IKZF1: variants seen among roughly 807,000 people sequenced by gnomAD.
IKZF1 encodes the protein DNA-binding protein Ikaros.
Under a neutral mutation model 51.7 loss-of-function variants are expected in IKZF1, and 10 were observed. The ratio of observed to expected loss-of-function variants is 0.19; its 90% confidence interval spans 0.12 to 0.33. The LOEUF is 0.33. Ranked by LOEUF, IKZF1 falls within the 10% of genes least tolerant of loss-of-function variation. The probability of loss-of-function intolerance (pLI) is 1.00; values close to 1 mark genes in which losing one functional copy is unlikely to be tolerated. For missense variants in IKZF1, 484 were observed against 707.5 expected (o/e 0.68, Z 3.58); for synonymous variants, 280 against 282.3 (o/e 0.99, Z 0.08).
intron 5 of IKZF1, among the ~76,000 whole-genome samples, chr7:50,384,349 G>A (rs966730522): frequency 6.6e-6 from 1 of 152,220 alleles, no homozygotes; most frequent in Non-Finnish European, 1.5e-5. Flanking sequence ...CTCCTTCCTG[G>A]CGGTGCACAT....
chr7:50,328,405 G>A (rs1400892581), intron 3 of IKZF1: 2 of 152,250 alleles, frequency 1.3e-5, no homozygotes, highest in African/African-American at 4.8e-5. Context: ...GAGAAGTTCA[G>A]TGAATTAACC....
At chr7:50,334,403 ATATG>A (rs1797097444) in intron 3 of IKZF1, among the ~76,000 whole-genome samples, 1 of 151,676 alleles carries the variant, frequency 6.6e-6, no homozygotes, top group African/African-American at 2.4e-5. Context: ...TGATGTATGT[ATATG>A]TATGTGTGTG....
intron 3 of IKZF1, among the ~76,000 whole-genome samples, chr7:50,329,653 T>C (rs1317497657): frequency 6.6e-6 from 1 of 152,220 alleles, no homozygotes; most frequent in Non-Finnish European, 1.5e-5. Flanking sequence ...TTTTAGTCCC[T>C]GAAGCACCCA....
chr7:50,393,470 AC>A (rs1186731804), intron 7 of IKZF1, among the ~76,000 whole-genome samples: 1 of 152,196 alleles, frequency 6.6e-6, no homozygotes, highest in Admixed American at 6.5e-5. Flanking sequence ...AGTCCTGGGC[AC>A]CAGCCTCCCT....
chr7:50,329,500 C>T (rs1795943522), intron 3 of IKZF1, among the ~76,000 whole-genome samples: 1 of 152,110 alleles, frequency 6.6e-6, no homozygotes, highest in African/African-American at 2.4e-5. Context: ...TGTACCACTA[C>T]GAGGGTTCCT....
rs1814681195 is a variant in IKZF1, at chr7:50,390,276, T to TAA, written c.716-1453_716-1452insAA. Among the ~76,000 whole-genome samples, 19 of 152,246 alleles carry TAA rather than the reference T, an allele frequency of 1.2e-4. No individual in the cohort carries two copies. The South Asian group carries it at 3.7e-3, about 30-fold the overall frequency. ...ACCTCTGGGAGCCCTGGGCAGGCTG[T>TAA]GGGTGTGGCTTGGCAGAGAAGGATG... On this transcript the variant is annotated intron_variant, in intron 6 of 7. Coordinates refer to ENST00000331340, the MANE Select transcript of IKZF1 (RefSeq NM_006060.6).
At chr7:50,312,553 T>C (rs553547913) in intron 1 of IKZF1, among the ~76,000 whole-genome samples, 6 of 152,376 alleles carry the variant, frequency 3.9e-5, no homozygotes, top group East Asian at 3.9e-4. Context: ...CCATCTTTTC[T>C]TATACCTCAC....
intron 6 of IKZF1, 65 bp downstream of exon 6, chr7:50,387,535 C>T (rs529797830): frequency 4.1e-4 from 626 of 1,528,864 alleles, no homozygotes; most frequent in Non-Finnish European, 5.2e-4. Context: ...GGAAGGAGGG[C>T]GCTCTGCATG....
intron 3 of IKZF1, among the ~76,000 whole-genome samples, chr7:50,346,724 C>A (rs548551562): frequency 6.6e-6 from 1 of 152,212 alleles, no homozygotes; most frequent in East Asian, 1.9e-4. Context: ...TACCTTCCCC[C>A]TCAGGGCATA....
At chr7:50,361,983 T>A (rs1052734809) in intron 3 of IKZF1, among the ~76,000 whole-genome samples, 1 of 152,184 alleles carries the variant, frequency 6.6e-6, no homozygotes, top group Non-Finnish European at 1.5e-5. Context: ...AAGCCATAGG[T>A]GTATTAATTG....
At chr7:50,339,548 A>G (rs1798589543) in intron 3 of IKZF1, among the ~76,000 whole-genome samples, 2 of 152,068 alleles carry the variant, frequency 1.3e-5, no homozygotes, top group Non-Finnish European at 2.9e-5. Flanking sequence ...CAGGAGTTTG[A>G]GACCAGCCTG....
At chr7:50,385,740 GA>G (rs1271803194) in intron 5 of IKZF1, among the ~76,000 whole-genome samples, 2 of 152,214 alleles carry the variant, frequency 1.3e-5, no homozygotes, top group African/African-American at 2.4e-5. Context: ...GCTTTTTCAG[GA>G]AAGGGTATCG....
intron 1 of IKZF1, among the ~76,000 whole-genome samples, chr7:50,315,814 C>T (rs1470220691): frequency 6.6e-6 from 1 of 152,174 alleles, no homozygotes; most frequent in Non-Finnish European, 1.5e-5. Context: ...TAAATTGAGG[C>T]CATATCAAGC....
intron 3 of IKZF1, chr7:50,368,709 A>G (rs1807749116): frequency 7.5e-6 from 2 of 267,076 alleles, no homozygotes; most frequent in African/African-American, 2.2e-5. Context: ...TTTGGGTAAC[A>G]TCCTCAAATG....
chr7:50,376,942 C>CG lies in IKZF1; in HGVS notation c.421+150dup. ...GCAAGCGATTGGTTCCAAGTGGTAC[C>CG]GAGTCATAGAGTCCTTGTTCTGGTA... On this transcript the variant is annotated intron_variant, in intron 4 of 7. Coordinates refer to ENST00000331340, the MANE Select transcript of IKZF1 (RefSeq NM_006060.6). This position sits in a 1 kb window ranked among gnomAD's most constrained non-coding sequence, Gnocchi z 4.5. 7.4e-7 allele frequency: 1 copy of CG among 1,346,664 alleles called. No homozygotes were observed. Among genetic ancestry groups the CG allele is most frequent in the African/African-American group, 1.5e-5 (1 of 68,082 alleles). The allele number at this position is 1,346,664 out of a possible 1,614,324, so 83.4% of individuals were successfully genotyped here. A position where few individuals can be genotyped will look rare whatever the true frequency, so the allele number is the denominator to read the frequency against.
intron 2 of IKZF1, among the ~76,000 whole-genome samples, chr7:50,326,183 G>A (rs1302363678): frequency 6.6e-6 from 1 of 152,226 alleles, no homozygotes; most frequent in Non-Finnish European, 1.5e-5. Flanking sequence ...TATTACTCTT[G>A]TGGAAGGTTT....
chr7:50,355,206 G>A (rs948319787), intron 3 of IKZF1, among the ~76,000 whole-genome samples: 1 of 152,170 alleles, frequency 6.6e-6, no homozygotes, highest in African/African-American at 2.4e-5. Context: ...AAATTCACAT[G>A]GGGAAGGGCA....
At chr7:50,361,616 G>A (rs1027113097) in intron 3 of IKZF1, among the ~76,000 whole-genome samples, 8 of 152,182 alleles carry the variant, frequency 5.3e-5, no homozygotes, top group African/African-American at 1.4e-4. Context: ...AGTGGCTCAC[G>A]CCTGTAATCC....
chr7:50,380,385 A>G (rs1811517289), intron 4 of IKZF1, among the ~76,000 whole-genome samples: 1 of 152,218 alleles, frequency 6.6e-6, no homozygotes, highest in South Asian at 2.1e-4. Context: ...ATGTGTCTGT[A>G]GCAATCTGCC....
Sources: gnomAD v4.1 joint callset for allele counts (sites outside exome capture counted in the v4.1 genomes callset) on GRCh38, gnomAD v4.1.1 for gene constraint, Gnocchi (gnomAD v3.1) non-coding constraint, MANE v1.5 for transcripts, NCBI Gene and HGNC (gene_info 2026-07-23, HGNC 2026-07-21) for gene names.